The following REDIC1 variants were observed in gnomAD, a reference collection of about 807,000 sequenced individuals.
REDIC1 encodes regulator of DNA class I crossover intermediates 1.
At chr12:39,627,982 ACCT>A in the REDIC1 span, among the ~76,000 whole-genome samples, 1 of 152,010 alleles carries the variant, frequency 6.6e-6, no homozygotes, top group Admixed American at 6.6e-5. Context: ...AGTTAAAATG[ACCT>A]CCTGGAAGGT....
At chr12:39,809,580 T>C in the REDIC1 span, among the ~76,000 whole-genome samples, 1 of 152,216 alleles carries the variant, frequency 6.6e-6, no homozygotes, top group Non-Finnish European at 1.5e-5. Flanking sequence ...TATGTACACA[T>C]GTGCCCTGTT....
At chr12:39,810,338 A>C in the REDIC1 span, among the ~76,000 whole-genome samples, 3 of 152,326 alleles carry the variant, frequency 2.0e-5, no homozygotes, top group South Asian at 6.2e-4. Flanking sequence ...AATTGTTAGT[A>C]ATAGAAATAA....
chr12:39,783,698 C>T, the REDIC1 span, among the ~76,000 whole-genome samples: 1 of 152,140 alleles, frequency 6.6e-6, no homozygotes, highest in Non-Finnish European at 1.5e-5. Flanking sequence ...ATATCCTTTG[C>T]CCACTTTTTG....
chr12:39,740,748 G>A, the REDIC1 span, among the ~76,000 whole-genome samples: 1 of 152,012 alleles, frequency 6.6e-6, no homozygotes, highest in South Asian at 2.1e-4. Context: ...AATTTCCTTT[G>A]TATTTTTAGA....
chr12:39,703,670 C>T, the REDIC1 span, among the ~76,000 whole-genome samples: 1 of 152,172 alleles, frequency 6.6e-6, no homozygotes, highest in African/African-American at 2.4e-5. Flanking sequence ...CACTACCTGA[C>T]TTCAAACTAT....
At chr12:39,714,340 T>TATACAG in the REDIC1 span, among the ~76,000 whole-genome samples, 11 of 148,326 alleles carry the variant, frequency 7.4e-5, no homozygotes, top group African/African-American at 1.0e-4. Flanking sequence ...TATATATGTC[T>TATACAG]GAATATATGT....
the REDIC1 span, among the ~76,000 whole-genome samples, chr12:39,832,652 C>T: frequency 6.6e-6 from 1 of 152,040 alleles, no homozygotes; most frequent in African/African-American, 2.4e-5. Flanking sequence ...AGTCACTGCC[C>T]TCGTGAAGCT....
chr12:39,661,485 A>G, the REDIC1 span, among the ~76,000 whole-genome samples: 3 of 151,726 alleles, frequency 2.0e-5, no homozygotes, highest in African/African-American at 7.3e-5. Flanking sequence ...TCCTTTGCCC[A>G]CTTTTTAACG....
At chr12:39,903,078 C>T in the REDIC1 span, among the ~76,000 whole-genome samples, 14 of 152,046 alleles carry the variant, frequency 9.2e-5, no homozygotes, top group African/African-American at 2.4e-4. Flanking sequence ...ATAGGAACAT[C>T]GTAATAATGA....
At chr12:39,707,793 C>A in the REDIC1 span, among the ~76,000 whole-genome samples, 1 of 151,508 alleles carries the variant, frequency 6.6e-6, no homozygotes, top group Non-Finnish European at 1.5e-5. Flanking sequence ...TTTCATATAA[C>A]CTTTAAAATC....
the REDIC1 span, among the ~76,000 whole-genome samples, chr12:39,708,285 T>C: frequency 3.9e-5 from 6 of 151,922 alleles, no homozygotes; most frequent in East Asian, 7.7e-4. Flanking sequence ...TAAATATATA[T>C]GCCTACTATG....
chr12:39,886,762 G>T, the REDIC1 span, among the ~76,000 whole-genome samples: 175 of 152,208 alleles, frequency 1.1e-3, 2 homozygotes, highest in South Asian at 4.8e-3. Flanking sequence ...GAAACAAAAA[G>T]AATAACGGCT....
the REDIC1 span, among the ~76,000 whole-genome samples, chr12:39,672,282 G>A: frequency 2.0e-5 from 3 of 152,096 alleles, no homozygotes; most frequent in African/African-American, 7.2e-5. Context: ...GTGCATGGGT[G>A]TAGGCTGTAG....
chr12:39,901,340 T>C, the REDIC1 span, among the ~76,000 whole-genome samples: 1 of 151,388 alleles, frequency 6.6e-6, no homozygotes, highest in South Asian at 2.1e-4. Flanking sequence ...AATTGACAAA[T>C]GGGATCTAAT....
the REDIC1 span, among the ~76,000 whole-genome samples, chr12:39,886,186 A>G: frequency 2.0e-5 from 3 of 152,192 alleles, no homozygotes; most frequent in Non-Finnish European, 2.9e-5. Flanking sequence ...CAGCAGAGGA[A>G]CTAGTTGAAC....
the REDIC1 span, among the ~76,000 whole-genome samples, chr12:39,898,899 A>C: frequency 6.6e-6 from 1 of 152,346 alleles, no homozygotes; most frequent in East Asian, 1.9e-4. Flanking sequence ...AAATGGAAGA[A>C]AAAGGAAAGG....
At chr12:39,887,414 ACT>A in the REDIC1 span, among the ~76,000 whole-genome samples, 1 of 152,140 alleles carries the variant, frequency 6.6e-6, no homozygotes, top group African/African-American at 2.4e-5. Context: ...TCTCTTCTCC[ACT>A]GAGGGCTCTA....
the REDIC1 span, among the ~76,000 whole-genome samples, chr12:39,767,009 C>CA: frequency 6.6e-6 from 1 of 152,098 alleles, no homozygotes; most frequent in Admixed American, 6.6e-5. Flanking sequence ...GACCTCCTCC[C>CA]ATGAATCACG....
chr12:39,678,629 C>CAAAAAA, the REDIC1 span, among the ~76,000 whole-genome samples: 5 of 96,196 alleles, frequency 5.2e-5, no homozygotes, highest in East Asian at 3.1e-4. Context: ...AAAGGCATAA[C>CAAAAAA]AAAAAAAAAA....
Sources: allele counts gnomAD v4.1 joint callset (sites outside exome capture counted in the v4.1 genomes callset), GRCh38; gene constraint gnomAD v4.1.1; transcripts MANE v1.5; gene names NCBI Gene and HGNC (gene_info 2026-07-23, HGNC 2026-07-21).